Variants in STK24 observed in about 807,000 individuals in gnomAD.
STK24 encodes the protein serine/threonine-protein kinase 24.
In STK24, 21 loss-of-function variants were observed where a neutral mutation model predicts 55.6. The observed-to-expected ratio is 0.38, with a 90% CI of 0.27 to 0.54. STK24 has a LOEUF of 0.54. STK24 is among the 20% of genes least tolerant of loss of function. The probability of loss-of-function intolerance (pLI) is 0.79; values close to 1 mark genes in which losing one functional copy is unlikely to be tolerated. For synonymous variants in STK24, 200 were observed against 215.2 expected (o/e 0.93, Z 0.62); for missense variants, 383 against 538.4 (o/e 0.71, Z 2.86).
chr13:98,548,983 C>T (rs1897098214), intron 1 of STK24, among the ~76,000 whole-genome samples: 1 of 151,922 alleles, frequency 6.6e-6, no homozygotes, highest in Non-Finnish European at 1.5e-5. Context: ...AGACCCCGAT[C>T]AGTGCCCCGG....
chr13:98,551,179 G>A (rs564863628), intron 1 of STK24, among the ~76,000 whole-genome samples: 76 of 151,930 alleles, frequency 5.0e-4, no homozygotes, highest in African/African-American at 1.6e-3. Context: ...CCAGCTACTC[G>A]GGAGGCTGAG....
Position 98,446,781 on chromosome 13 carries a change from A to G in STK24, c.*6392T>C, listed in dbSNP as rs1892868051. 8.1e-6 allele frequency: 13 copies of G among 1,613,996 alleles called. No homozygotes were observed. Among genetic ancestry groups the G allele is most frequent in the East Asian group, 2.2e-5 (1 of 44,876 alleles). On this transcript the variant is annotated 3_prime_UTR_variant, in exon 11 of 11. Coordinates refer to ENST00000539966, the MANE Select transcript of STK24 (RefSeq NM_001032296.4). Reference sequence around the variant, plus strand: ...AAGCTGCACTTCAAGTCCCACGTCTACTACTTCAGGGCGGAAAGCGAGTAC... The same window carrying G: ...AAGCTGCACTTCAAGTCCCACGTCTGCTACTTCAGGGCGGAAAGCGAGTAC...
chr13:98,554,367 C>G (rs1175172563), intron 1 of STK24, among the ~76,000 whole-genome samples: 2 of 152,210 alleles, frequency 1.3e-5, no homozygotes, highest in African/African-American at 4.8e-5. Context: ...AAAATTACCT[C>G]TGACTAAAAC....
intron 1 of STK24, among the ~76,000 whole-genome samples, chr13:98,537,861 T>G (rs895602276): frequency 7.2e-5 from 11 of 152,030 alleles, no homozygotes; most frequent in Admixed American, 6.5e-4. Flanking sequence ...GCCTCTTCTA[T>G]AGATGGGGAT....
At chr13:98,527,217 T>C (rs189428002) in intron 1 of STK24, among the ~76,000 whole-genome samples, 87 of 152,298 alleles carry the variant, frequency 5.7e-4, no homozygotes, top group African/African-American at 1.9e-3. Context: ...GGCTCACACC[T>C]GTAATCCCAG....
At chr13:98,495,149 T>G (rs546387344) in intron 2 of STK24, among the ~76,000 whole-genome samples, 1 of 152,366 alleles carries the variant, frequency 6.6e-6, no homozygotes, top group East Asian at 1.9e-4. Context: ...ACTTTCCTTA[T>G]TTTGAAGCAG....
chr13:98,549,107 G>A (rs930795806), intron 1 of STK24, among the ~76,000 whole-genome samples: 1 of 152,208 alleles, frequency 6.6e-6, no homozygotes, highest in Non-Finnish European at 1.5e-5. Flanking sequence ...CACAATTTCA[G>A]TGAAGAGAAT....
chr13:98,519,110 G>A, intron 2 of STK24, 133 bp downstream of exon 2: 1 of 682,536 alleles, frequency 1.5e-6, no homozygotes, highest in Non-Finnish European at 2.5e-6. Flanking sequence ...AGGTTCTTTT[G>A]ATCACGAAGG....
intron 10 of STK24, chr13:98,453,413 G>T: frequency 1.7e-6 from 1 of 578,830 alleles, no homozygotes. Flanking sequence ...AAAAACTCCA[G>T]AGCATGTCAC....
intron 2 of STK24, among the ~76,000 whole-genome samples, chr13:98,511,219 A>G (rs1895867333): frequency 6.6e-6 from 1 of 152,252 alleles, no homozygotes; most frequent in South Asian, 2.1e-4. Context: ...CAAACTCTAG[A>G]GTACTGACGG....
chr13:98,478,391 A>C (rs1424554108), intron 3 of STK24, among the ~76,000 whole-genome samples: 1 of 152,242 alleles, frequency 6.6e-6, no homozygotes, highest in African/African-American at 2.4e-5. Flanking sequence ...TGGTCAGGTG[A>C]CTAAGACCTC....
intron 6 of STK24, among the ~76,000 whole-genome samples, chr13:98,465,588 G>A (rs1181167096): frequency 6.6e-6 from 1 of 152,240 alleles, no homozygotes. Context: ...CTCCTTAGAC[G>A]TACTTAGAAA....
At chr13:98,540,242 G>T (rs1180988793) in intron 1 of STK24, among the ~76,000 whole-genome samples, 1 of 152,192 alleles carries the variant, frequency 6.6e-6, no homozygotes, top group East Asian at 1.9e-4. Flanking sequence ...TGACGATGAG[G>T]AATCTTACTG....
At chr13:98,507,975 C>T (rs1895753346) in intron 2 of STK24, among the ~76,000 whole-genome samples, 1 of 151,750 alleles carries the variant, frequency 6.6e-6, no homozygotes, top group African/African-American at 2.4e-5. Flanking sequence ...CAAAATGCAA[C>T]AGGGAAAGTA....
At chr13:98,536,627 G>T (rs1896743236) in intron 1 of STK24, among the ~76,000 whole-genome samples, 1 of 152,070 alleles carries the variant, frequency 6.6e-6, no homozygotes, top group African/African-American at 2.4e-5. Context: ...ACCTCCCAAA[G>T]TGCTGGGATT....
chr13:98,517,350 GCA>G (rs1474990932), intron 2 of STK24, among the ~76,000 whole-genome samples: 3 of 152,178 alleles, frequency 2.0e-5, no homozygotes, highest in Admixed American at 6.5e-5. Flanking sequence ...TCGAGGCCAG[GCA>G]CAGTGGCTCA....
intron 1 of STK24, among the ~76,000 whole-genome samples, chr13:98,525,520 T>C (rs1468530272): frequency 6.6e-6 from 1 of 152,196 alleles, no homozygotes; most frequent in Non-Finnish European, 1.5e-5. Flanking sequence ...GGGAGCAGCC[T>C]GCACACAGCA....
chr13:98,535,373 AT>A (rs1566392106), intron 1 of STK24, among the ~76,000 whole-genome samples: 43 of 22,938 alleles, frequency 1.9e-3, no homozygotes, highest in Non-Finnish European at 3.1e-3. Context: ...AAAAAAAAAT[AT>A]ATATATATAT....
chr13:98,571,489 G>A (rs1402749897), intron 1 of STK24, among the ~76,000 whole-genome samples: 1 of 151,986 alleles, frequency 6.6e-6, no homozygotes, highest in Non-Finnish European at 1.5e-5. Flanking sequence ...AATACTCCCA[G>A]ATCTGAGACT....
Sources: allele counts gnomAD v4.1 joint callset (sites outside exome capture counted in the v4.1 genomes callset), GRCh38; gene constraint gnomAD v4.1.1; transcripts MANE v1.5; gene names NCBI Gene and HGNC (gene_info 2026-07-23, HGNC 2026-07-21).